BRINP3: variants seen among roughly 807,000 people sequenced by gnomAD.
BRINP3 encodes the protein BMP/retinoic acid-inducible neural-specific protein 3.
A neutral mutation model predicts 71.0 loss-of-function variants in BRINP3; 19 were observed. The ratio of observed to expected loss-of-function variants is 0.27; its 90% CI spans 0.19 to 0.39. BRINP3 has a LOEUF of 0.39. Among genes scored for constraint, BRINP3 ranks in the 10% least tolerant of loss-of-function variants. The pLI is 1.00. For synonymous variants in BRINP3, 380 were observed against 337.7 expected (o/e 1.13, Z -1.37); for missense variants, 959 against 940.8 (o/e 1.02, Z -0.25).
intron 7 of BRINP3, among the ~76,000 whole-genome samples, chr1:190,137,470 C>T (rs570274430): frequency 8.7e-5 from 13 of 149,992 alleles, no homozygotes; most frequent in African/African-American, 2.7e-4. Context: ...AAAAATGCTT[C>T]GCATTATAGA....
intron 2 of BRINP3, among the ~76,000 whole-genome samples, chr1:190,328,740 C>G (rs1471198621): frequency 1.4e-5 from 2 of 143,526 alleles, no homozygotes; most frequent in African/African-American, 5.1e-5. Context: ...AAAAAAAATA[C>G]AGGCCAATAT....
intron 3 of BRINP3, among the ~76,000 whole-genome samples, chr1:190,279,098 C>A (rs1020172350): frequency 1.5e-4 from 22 of 151,578 alleles, no homozygotes; most frequent in African/African-American, 4.8e-4. Context: ...TGCTTTGAAT[C>A]ACTTATATAA....
At chr1:190,426,575 G>A (rs985804118) in intron 2 of BRINP3, among the ~76,000 whole-genome samples, 9 of 151,624 alleles carry the variant, frequency 5.9e-5, no homozygotes, top group African/African-American at 2.2e-4. Flanking sequence ...AGAGCATTTG[G>A]GATTTCAGAT....
chr1:190,444,790 C>A (rs1221586451), intron 2 of BRINP3, among the ~76,000 whole-genome samples: 1 of 152,116 alleles, frequency 6.6e-6, no homozygotes, highest in Non-Finnish European at 1.5e-5. Context: ...TGCCTTGGCC[C>A]CCCCAAGGTG....
rs966814399 is a variant in BRINP3 at position 190,097,781 on chromosome 1, A to G, written c.*237T>C. The G allele has an allele frequency of 7.2e-6, 3 of 416,392 alleles. No individual in the cohort carries two copies. Among genetic ancestry groups the G allele is most frequent in the African/African-American group, 6.1e-5 (3 of 49,346 alleles). The allele number at this position is 416,392 out of a possible 1,614,324, so 25.8% of individuals were successfully genotyped here. Reference sequence around the variant, plus strand: ...AAAATTACAAATGAAATTTATTGTAAAAAGTAGAATGTCTTCTAGACTGGT... The same window carrying G: ...AAAATTACAAATGAAATTTATTGTAGAAAGTAGAATGTCTTCTAGACTGGT... On this transcript the variant is annotated 3_prime_UTR_variant, in exon 8 of 8. Coordinates refer to ENST00000367462, the MANE Select transcript of BRINP3 (RefSeq NM_199051.3).
intron 6 of BRINP3, among the ~76,000 whole-genome samples, chr1:190,195,285 T>A (rs1261654170): frequency 6.6e-6 from 1 of 151,948 alleles, no homozygotes; most frequent in African/African-American, 2.4e-5. Context: ...CCAATTTTTA[T>A]AATTTAAAAG....
At chr1:190,240,611 T>C (rs1223508949) in intron 4 of BRINP3, among the ~76,000 whole-genome samples, 1 of 152,004 alleles carries the variant, frequency 6.6e-6, no homozygotes, top group Non-Finnish European at 1.5e-5. Flanking sequence ...TGCTCAAGCA[T>C]GTAATCCCAG....
At chr1:190,246,267 C>T (rs746521081) in intron 4 of BRINP3, among the ~76,000 whole-genome samples, 27 of 152,100 alleles carry the variant, frequency 1.8e-4, no homozygotes, top group Non-Finnish European at 1.5e-4. Flanking sequence ...ACCTTCTTGA[C>T]TATTTCCTCT....
chr1:190,476,967 C>A (rs1677541647), intron 1 of BRINP3, among the ~76,000 whole-genome samples: 1 of 152,182 alleles, frequency 6.6e-6, no homozygotes, highest in Non-Finnish European at 1.5e-5. Flanking sequence ...GCAACAAAGT[C>A]TTCCTTCAGT....
intron 3 of BRINP3, among the ~76,000 whole-genome samples, chr1:190,275,097 T>C (rs1001340225): frequency 1.3e-5 from 2 of 151,566 alleles, no homozygotes; most frequent in African/African-American, 4.8e-5. Flanking sequence ...AATTTGAAGG[T>C]ACCATGATAC....
At chr1:190,406,915 G>A (rs1213492440) in intron 2 of BRINP3, among the ~76,000 whole-genome samples, 1 of 152,072 alleles carries the variant, frequency 6.6e-6, no homozygotes, top group African/African-American at 2.4e-5. Flanking sequence ...TATAATTGAA[G>A]CTCTTTTTTG....
chr1:190,377,599 T>A (rs973757734), intron 2 of BRINP3, among the ~76,000 whole-genome samples: 1 of 148,556 alleles, frequency 6.7e-6, no homozygotes, highest in Admixed American at 6.8e-5. Context: ...TATACATATA[T>A]AATATATATA....
chr1:190,253,094 A>G (rs879132578), intron 4 of BRINP3, among the ~76,000 whole-genome samples: 1 of 152,098 alleles, frequency 6.6e-6, no homozygotes, highest in Non-Finnish European at 1.5e-5. Context: ...ATTTCCCTGC[A>G]AAGGACATGA....
At chr1:190,454,314 A>C (rs1675843045) in intron 2 of BRINP3, among the ~76,000 whole-genome samples, 1 of 152,198 alleles carries the variant, frequency 6.6e-6, no homozygotes, top group Admixed American at 6.5e-5. Flanking sequence ...GCATTGTATA[A>C]GGTAGAAAGG....
chr1:190,249,582 G>A (rs893609726), intron 4 of BRINP3, among the ~76,000 whole-genome samples: 18 of 151,752 alleles, frequency 1.2e-4, no homozygotes, highest in Non-Finnish European at 2.2e-4. Flanking sequence ...AATATATTAT[G>A]TCAAAAATAT....
chr1:190,365,665 TA>T (rs1370866535), intron 2 of BRINP3, among the ~76,000 whole-genome samples: 3 of 121,830 alleles, frequency 2.5e-5, no homozygotes, highest in Non-Finnish European at 1.9e-5. Flanking sequence ...AAATATATTA[TA>T]ATTAATATAA....
chr1:190,455,986 T>C (rs1378745273), intron 1 of BRINP3, among the ~76,000 whole-genome samples: 1 of 152,190 alleles, frequency 6.6e-6, no homozygotes, highest in Non-Finnish European at 1.5e-5. Flanking sequence ...TCATAGCACA[T>C]AGCACTACAG....
intron 6 of BRINP3, among the ~76,000 whole-genome samples, chr1:190,201,319 T>TG (rs1475819292): frequency 6.6e-6 from 1 of 152,092 alleles, no homozygotes; most frequent in African/African-American, 2.4e-5. Context: ...TTAAAGTATC[T>TG]GGCAGAAGAA....
Position 190,331,546 on chromosome 1 carries a change from T to C in BRINP3, c.237-49796A>G, listed in dbSNP as rs1327895632. Among the ~76,000 whole-genome samples, 3 of 151,988 alleles carry C rather than the reference T, an allele frequency of 2.0e-5. No homozygotes were observed. In the East Asian group the frequency reaches 5.8e-4, roughly 29 times the overall value. Reference sequence around the variant, plus strand: ...TGTTCATCCTCAGAAAGCACATAATTATTTGTAGTACGAGGTGGCCATGTG... The same window carrying C: ...TGTTCATCCTCAGAAAGCACATAATCATTTGTAGTACGAGGTGGCCATGTG... On this transcript the variant is annotated intron_variant, in intron 2 of 7. Coordinates refer to ENST00000367462, the MANE Select transcript of BRINP3 (RefSeq NM_199051.3).
Sources: allele counts gnomAD v4.1 joint callset (sites outside exome capture counted in the v4.1 genomes callset), GRCh38; gene constraint gnomAD v4.1.1; transcripts MANE v1.5; gene names NCBI Gene and HGNC (gene_info 2026-07-23, HGNC 2026-07-21).